Variants in SLC49A4 observed in about 807,000 individuals in gnomAD.
The protein encoded by SLC49A4 is disrupted in renal cancer protein 2.
Under a neutral mutation model 50.6 loss-of-function variants are expected in SLC49A4, and 36 were observed. That is an observed-to-expected ratio of 0.71 (90% CI 0.55 to 0.94). SLC49A4 has a LOEUF of 0.94. Among genes scored for constraint, SLC49A4 ranks in the 40% least tolerant of loss-of-function variants. The pLI is 0.00. For synonymous variants in SLC49A4, 248 were observed against 241.2 expected, an observed-to-expected ratio of 1.03 and a Z score of -0.26; for missense variants, 503 against 605.7, an observed-to-expected ratio of 0.83 and a Z score of 1.78.
intron 5 of SLC49A4, among the ~76,000 whole-genome samples, chr3:122,848,504 G>A (rs74377857): frequency 6.6e-6 from 1 of 151,936 alleles, no homozygotes; most frequent in African/African-American, 2.4e-5. Context: ...TAATATTTGA[G>A]TTTTCTGAAC....
intron 2 of SLC49A4, among the ~76,000 whole-genome samples, chr3:122,810,985 C>A (rs149580001): frequency 6.6e-6 from 1 of 152,154 alleles, no homozygotes; most frequent in Non-Finnish European, 1.5e-5. Flanking sequence ...AGTATTAGAA[C>A]ATGACTGTTT....
At position 122,860,154 on chromosome 3, in the gene SLC49A4, T is replaced by A. The variant is rs549500869; in HGVS notation, c.1090T>A (p.Phe364Ile). 6 of 1,613,434 alleles carry A rather than the reference T, an allele frequency of 3.7e-6. No individual in the cohort carries two copies. The East Asian group carries it at 1.3e-4, about 36-fold the overall frequency. The change falls in exon 7 of 9, where the codon TTC (phenylalanine) becomes ATC (isoleucine). Residue 364 changes from phenylalanine (F) to isoleucine (I), a missense_variant. Coordinates refer to ENST00000261038, the MANE Select transcript of SLC49A4 (RefSeq NM_032839.3). ...GGGAGCTACACTGTCATCCACGTGGTTCACCCTGACCTGTTTGAACAGCAT... is the reference window on the plus strand; with the variant it reads ...GGGAGCTACACTGTCATCCACGTGGATCACCCTGACCTGTTTGAACAGCAT... ...FSGATLSSTWFTLTCLNSITH... is the reference protein window; with the variant it reads ...FSGATLSSTWITLTCLNSITH...
At chr3:122,869,742 A>G (rs542720497) in intron 7 of SLC49A4, among the ~76,000 whole-genome samples, 92 of 152,338 alleles carry the variant, frequency 6.0e-4, no homozygotes, top group Non-Finnish European at 1.0e-3. Flanking sequence ...TCATCTTCCA[A>G]GTTCCTCCCA....
At chr3:122,840,247 G>A (rs1356723377) in intron 4 of SLC49A4, among the ~76,000 whole-genome samples, 1 of 152,116 alleles carries the variant, frequency 6.6e-6, no homozygotes, top group East Asian at 1.9e-4. Flanking sequence ...GAGGATGGTG[G>A]AGACTGAAGG....
intron 4 of SLC49A4, among the ~76,000 whole-genome samples, chr3:122,842,622 G>A (rs1374387654): frequency 2.0e-5 from 3 of 152,048 alleles, no homozygotes; most frequent in Non-Finnish European, 2.9e-5. Flanking sequence ...AGTCACTGAA[G>A]GATTTTAAGC....
At chr3:122,809,541 C>T (rs180732837) in intron 2 of SLC49A4, among the ~76,000 whole-genome samples, 4 of 152,098 alleles carry the variant, frequency 2.6e-5, no homozygotes, top group East Asian at 1.9e-4. Context: ...GGCAACACAG[C>T]GAGACCCCAT....
intron 2 of SLC49A4, among the ~76,000 whole-genome samples, chr3:122,807,886 C>T (rs1288719424): frequency 6.6e-6 from 1 of 152,164 alleles, no homozygotes; most frequent in Non-Finnish European, 1.5e-5. Flanking sequence ...TGGAAAACCC[C>T]TTAGGCTCTT....
intron 1 of SLC49A4, 33 bp downstream of exon 1, chr3:122,795,568 C>A (rs981353358): frequency 6.4e-7 from 1 of 1,565,278 alleles, no homozygotes; most frequent in Non-Finnish European, 8.6e-7. Context: ...CCCGCGCTGT[C>A]TCTCCTCCGG....
At position 122,872,669 on chromosome 3, in the gene SLC49A4, G is replaced by A. The variant is rs1937210986; in HGVS notation, c.1321+72G>A. The A allele has an allele frequency of 2.8e-6, 3 of 1,079,640 alleles. No homozygotes were observed. The Admixed American group carries it at 8.6e-5, about 31-fold the overall frequency. The allele number at this position is 1,079,640 out of a possible 1,614,324, so 66.9% of individuals were successfully genotyped here. A position where few individuals can be genotyped will look rare whatever the true frequency, so the allele number is the denominator to read the frequency against. ...AAGTTTGGGTCACTAGTGTATAGAAGTTTTTATATGGAGAAGTCTCACCAA... is the reference window on the plus strand; with the variant it reads ...AAGTTTGGGTCACTAGTGTATAGAAATTTTTATATGGAGAAGTCTCACCAA... On this transcript the variant is annotated intron_variant, in intron 8 of 8. Transcript: ENST00000261038.
intron 8 of SLC49A4, among the ~76,000 whole-genome samples, chr3:122,877,957 A>G (rs1937286058): frequency 6.6e-6 from 1 of 152,240 alleles, no homozygotes; most frequent in Non-Finnish European, 1.5e-5. Context: ...TACATACTAT[A>G]GAATAGCATG....
intron 4 of SLC49A4, among the ~76,000 whole-genome samples, chr3:122,841,949 AT>A (rs200017358): frequency 0.025 from 3,746 of 151,952 alleles, 144 homozygotes; most frequent in African/African-American, 0.083. Flanking sequence ...GGTAAAAAAA[AT>A]GTTAGGTTGA....
intron 4 of SLC49A4, among the ~76,000 whole-genome samples, chr3:122,835,574 A>T (rs541984563): frequency 6.6e-6 from 1 of 152,040 alleles, no homozygotes; most frequent in South Asian, 2.1e-4. Flanking sequence ...TAAAAAAAAA[A>T]CCCTCAACAA....
At chr3:122,846,632 A>G (rs1318436259) in intron 5 of SLC49A4, among the ~76,000 whole-genome samples, 1 of 152,218 alleles carries the variant, frequency 6.6e-6, no homozygotes, top group East Asian at 1.9e-4. Context: ...GGTGGTATCC[A>G]TGTGTAATCC....
intron 2 of SLC49A4, among the ~76,000 whole-genome samples, chr3:122,824,169 T>G (rs1936492216): frequency 6.6e-6 from 1 of 152,248 alleles, no homozygotes; most frequent in African/African-American, 2.4e-5. Context: ...TATCTAAAAT[T>G]GGAGTAACTT....
chr3:122,846,128 C>T (rs759420713), intron 5 of SLC49A4, among the ~76,000 whole-genome samples: 54 of 152,142 alleles, frequency 3.5e-4, no homozygotes, highest in Non-Finnish European at 6.8e-4. Context: ...GGAAGGAAGT[C>T]TTAGTTTTGT....
chr3:122,796,877 G>A (rs1051700150), intron 1 of SLC49A4, among the ~76,000 whole-genome samples: 7 of 152,210 alleles, frequency 4.6e-5, no homozygotes, highest in Admixed American at 1.3e-4. Context: ...GGCAAGACTC[G>A]TCTCAGAAAA....
intron 5 of SLC49A4, among the ~76,000 whole-genome samples, chr3:122,851,648 A>G (rs1170154120): frequency 6.6e-6 from 1 of 152,098 alleles, no homozygotes; most frequent in African/African-American, 2.4e-5. Flanking sequence ...GGTTTACACA[A>G]CTTATTGAAT....
intron 8 of SLC49A4, 119 bp downstream of exon 8, chr3:122,872,716 T>C (rs1937211691): frequency 1.5e-6 from 1 of 649,362 alleles, no homozygotes; most frequent in African/African-American, 1.9e-5. Context: ...TTATGTGAAC[T>C]TCCATTGCCA....
At chr3:122,866,311 G>A (rs1937119563) in intron 7 of SLC49A4, among the ~76,000 whole-genome samples, 1 of 151,600 alleles carries the variant, frequency 6.6e-6, no homozygotes, top group Non-Finnish European at 1.5e-5. Context: ...CAAAATGTTG[G>A]GATTGCAGAT....
Sources: allele counts gnomAD v4.1 joint callset (sites outside exome capture counted in the v4.1 genomes callset), GRCh38; gene constraint gnomAD v4.1.1; transcripts MANE v1.5; gene names NCBI Gene and HGNC (gene_info 2026-07-23, HGNC 2026-07-21).